TENM2: variants seen among roughly 807,000 people sequenced by gnomAD.
TENM2 encodes the protein teneurin-2.
TENM2 carries 52 observed loss-of-function variants against 245.2 expected under a neutral mutation model. The ratio of observed to expected loss-of-function variants is 0.21; its 90% CI spans 0.17 to 0.27. TENM2 has a LOEUF of 0.27. Among genes scored for constraint, TENM2 ranks in the 10% least tolerant of loss-of-function variants. TENM2 has a pLI of 1.00. For synonymous variants in TENM2, 1,363 were observed against 1,438.9 expected (o/e 0.95, Z 1.19); for missense variants, 3,046 against 3,666.8 (o/e 0.83, Z 4.37).
At chr5:167,108,326 A>G in the TENM2 span, among the ~76,000 whole-genome samples, 1 of 152,076 alleles carries the variant, frequency 6.6e-6, no homozygotes, top group Non-Finnish European at 1.5e-5. Flanking sequence ...GGGTTTCACC[A>G]TGTTTGCCAG....
intron 3 of TENM2, among the ~76,000 whole-genome samples, chr5:167,884,514 G>T (rs13172139): frequency 0.44 from 67,435 of 151,990 alleles, 17,347 homozygotes; most frequent in Non-Finnish European, 0.57. Flanking sequence ...CTTTTGTGAT[G>T]GATTTATTTC....
intron 24 of TENM2, 81 bp from the exon 27 acceptor site, chr5:168,227,814 A>AAAAT: frequency 2.1e-6 from 2 of 946,988 alleles, no homozygotes; most frequent in African/African-American, 1.7e-5. Context: ...CTATTAAAAA[A>AAAAT]AAATAGGGGT....
chr5:167,846,350 G>A (rs1473493228), intron 2 of TENM2, among the ~76,000 whole-genome samples: 1 of 152,226 alleles, frequency 6.6e-6, no homozygotes, highest in African/African-American at 2.4e-5. Context: ...TCAGTCCAGA[G>A]TTCCCATCCT....
intron 2 of TENM2, among the ~76,000 whole-genome samples, chr5:167,608,976 A>G (rs1777254629): frequency 7.9e-6 from 1 of 126,738 alleles, no homozygotes; most frequent in Non-Finnish European, 1.8e-5. Context: ...CACCCTACAC[A>G]TTTTAATTAA....
chr5:167,087,113 C>A, the TENM2 span, among the ~76,000 whole-genome samples: 1 of 152,142 alleles, frequency 6.6e-6, no homozygotes, highest in East Asian at 1.9e-4. Flanking sequence ...CACCTCAATG[C>A]CTACCTTTCA....
the TENM2 span, among the ~76,000 whole-genome samples, chr5:167,110,255 A>G: frequency 2.6e-5 from 4 of 152,356 alleles, no homozygotes; most frequent in East Asian, 7.7e-4. Context: ...AAAATAAAAC[A>G]GTTTTTGTTT....
At chr5:168,082,534 G>C (rs966870229) in intron 7 of TENM2, among the ~76,000 whole-genome samples, 2 of 152,166 alleles carry the variant, frequency 1.3e-5, no homozygotes, top group Non-Finnish European at 2.9e-5. Context: ...AGAATTTTCA[G>C]CTTTTCTGTT....
the TENM2 span, among the ~76,000 whole-genome samples, chr5:167,135,645 C>T: frequency 3.3e-5 from 5 of 152,138 alleles, no homozygotes; most frequent in East Asian, 3.9e-4. Flanking sequence ...GTATGGGTGG[C>T]GCGCACCTGT....
intron 13 of TENM2, among the ~76,000 whole-genome samples, chr5:168,173,701 G>A (rs113739374): frequency 3.5e-4 from 54 of 152,134 alleles, no homozygotes; most frequent in Middle Eastern, 3.4e-3. Context: ...CTCAAACTCC[G>A]CCCATAAAGA....
chr5:167,770,671 A>T (rs756729762), intron 2 of TENM2, among the ~76,000 whole-genome samples: 6 of 152,176 alleles, frequency 3.9e-5, no homozygotes, highest in Non-Finnish European at 8.8e-5. Context: ...CAGCATTATT[A>T]TCCAGTGTCA....
At chr5:167,859,965 T>A (rs1221149241) in intron 2 of TENM2, among the ~76,000 whole-genome samples, 1 of 19,452 alleles carries the variant, frequency 5.1e-5, no homozygotes, top group Non-Finnish European at 9.9e-5. Flanking sequence ...GGTGGGGGGG[T>A]CGGCCCCCCG....
intron 2 of TENM2, among the ~76,000 whole-genome samples, chr5:167,661,248 A>T (rs973186010): frequency 3.9e-5 from 6 of 152,210 alleles, no homozygotes; most frequent in Non-Finnish European, 8.8e-5. Flanking sequence ...AATTTCTATT[A>T]TCTAAACCAG....
intron 6 of TENM2, among the ~76,000 whole-genome samples, chr5:168,051,123 A>G (rs1789047304): frequency 6.6e-6 from 1 of 152,226 alleles, no homozygotes; most frequent in Non-Finnish European, 1.5e-5. Context: ...GGGAAAGCAT[A>G]CAAGAGATTT....
At chr5:167,491,221 C>T (rs1297083913) in intron 2 of TENM2, among the ~76,000 whole-genome samples, 1 of 152,104 alleles carries the variant, frequency 6.6e-6, no homozygotes, top group Non-Finnish European at 1.5e-5. Context: ...TGTTAGATTT[C>T]ACACATGATT....
chr5:168,090,417 A>G (rs1455177281), intron 7 of TENM2, among the ~76,000 whole-genome samples, 157 bp from the exon 10 acceptor site: 2 of 152,238 alleles, frequency 1.3e-5, no homozygotes, highest in African/African-American at 4.8e-5. Context: ...TTATTGTTAC[A>G]CATTTTGCGG....
intron 9 of TENM2, among the ~76,000 whole-genome samples, chr5:168,106,453 C>A (rs771283483): frequency 8.5e-5 from 13 of 152,134 alleles, no homozygotes; most frequent in Non-Finnish European, 1.6e-4. Context: ...TCATCAGTAG[C>A]CCTCATTTAT....
Position 167,881,773 on chromosome 5 carries a change from G to A in TENM2, c.712+5578G>A, listed in dbSNP as rs114930114. On this transcript the variant is annotated intron_variant, in intron 3 of 28. Coordinates refer to ENST00000518659, the Ensembl canonical transcript of TENM2. ...CTAAGTCCAGCATGTTATCTTTGCT[G>A]TGGAGGTCACAGAAACAGCCATCCC... 8.3e-3 allele frequency among the ~76,000 whole-genome samples: 1,269 copies of A among 152,288 alleles called. 17 individuals carry two copies. The highest frequency in any genetic ancestry group is 0.029 in the African/African-American group (1,190 of 41,546).
chr5:167,487,019 T>G (rs987187309), intron 2 of TENM2, among the ~76,000 whole-genome samples: 5 of 152,202 alleles, frequency 3.3e-5, no homozygotes, highest in African/African-American at 1.2e-4. Flanking sequence ...TGTTGTCCTA[T>G]CTCAGTGGGG....
intron 2 of TENM2, among the ~76,000 whole-genome samples, chr5:167,397,837 C>A (rs1025988292): frequency 2.6e-5 from 4 of 152,152 alleles, no homozygotes; most frequent in African/African-American, 9.7e-5. Context: ...GTCTCAGAAT[C>A]ATTTTCTCTA....
Sources: gnomAD v4.1 joint callset for allele counts (sites outside exome capture counted in the v4.1 genomes callset) on GRCh38, gnomAD v4.1.1 for gene constraint, MANE v1.5 for transcripts, NCBI Gene and HGNC (gene_info 2026-07-23, HGNC 2026-07-21) for gene names.